ATRNL1: variants seen among roughly 807,000 people sequenced by gnomAD.
ATRNL1 encodes attractin like 1.
A neutral mutation model predicts 182.7 loss-of-function variants in ATRNL1; 95 were observed. That is an observed-to-expected ratio of 0.52 (90% CI 0.44 to 0.62). The LOEUF is 0.62. Ranked by LOEUF, ATRNL1 falls within the 20% of genes least tolerant of loss-of-function variation. The pLI, the probability that ATRNL1 is intolerant of heterozygous loss-of-function variation, is 0.00. For synonymous variants in ATRNL1, 576 were observed against 568.3 expected (o/e 1.01, Z -0.19); for missense variants, 1,471 against 1,679.5 (o/e 0.88, Z 2.17).
At chr10:115,667,188 T>A (rs967277909) in intron 26 of ATRNL1, among the ~76,000 whole-genome samples, 9 of 152,072 alleles carry the variant, frequency 5.9e-5, no homozygotes, top group Admixed American at 5.9e-4. Context: ...TCCAGTAGGT[T>A]TGGTATGGAG....
chr10:115,220,251 A>G (rs1849400270), intron 9 of ATRNL1: 1 of 152,216 alleles, frequency 6.6e-6, no homozygotes, highest in Non-Finnish European at 1.5e-5. Context: ...GCTGTTAGCT[A>G]CTAAGAATGA....
intron 25 of ATRNL1, among the ~76,000 whole-genome samples, chr10:115,540,906 A>G (rs1229314426): frequency 6.6e-6 from 1 of 152,166 alleles, no homozygotes; most frequent in Non-Finnish European, 1.5e-5. Context: ...GCGTATGGGA[A>G]AGGTGACATT....
intron 26 of ATRNL1, among the ~76,000 whole-genome samples, chr10:115,618,187 C>A (rs1857539378): frequency 6.6e-6 from 1 of 152,112 alleles, no homozygotes; most frequent in South Asian, 2.1e-4. Context: ...TCAGGTATTT[C>A]TTTAGAGCGA....
At chr10:115,216,758 T>A (rs2144412175) in intron 9 of ATRNL1, among the ~76,000 whole-genome samples, 1 of 152,116 alleles carries the variant, frequency 6.6e-6, no homozygotes, top group East Asian at 1.9e-4. Context: ...TCAAAGGAAA[T>A]ACACAGGTTT....
At chr10:115,340,244 A>G (rs894850826) in intron 19 of ATRNL1, among the ~76,000 whole-genome samples, 1 of 152,216 alleles carries the variant, frequency 6.6e-6, no homozygotes, top group Admixed American at 6.5e-5. Context: ...CCTGGGTTCA[A>G]GTGATTCTCC....
intron 19 of ATRNL1, among the ~76,000 whole-genome samples, chr10:115,366,596 G>T (rs1857055135): frequency 6.7e-6 from 1 of 149,706 alleles, no homozygotes; most frequent in Admixed American, 6.6e-5. Context: ...GTTAGTTGAT[G>T]CAGTTTCTTC....
At chr10:115,818,170 G>A (rs1950209904) in intron 27 of ATRNL1, among the ~76,000 whole-genome samples, 1 of 139,994 alleles carries the variant, frequency 7.1e-6, no homozygotes, top group South Asian at 2.3e-4. Context: ...TAAAGTCCAG[G>A]GTTTATTTGA....
chr10:115,365,369 C>T (rs1372941217), intron 19 of ATRNL1, among the ~76,000 whole-genome samples: 11 of 149,320 alleles, frequency 7.4e-5, no homozygotes, highest in Non-Finnish European at 1.0e-4. Context: ...TGGTGATATC[C>T]CCTTTATCAT....
chr10:115,882,566 A>G (rs1951850323), intron 28 of ATRNL1, among the ~76,000 whole-genome samples: 1 of 152,146 alleles, frequency 6.6e-6, no homozygotes, highest in African/African-American at 2.4e-5. Context: ...TCCACTCTCC[A>G]GGGTCACACA....
chr10:115,646,816 T>G (rs1343869946), intron 26 of ATRNL1, among the ~76,000 whole-genome samples: 2 of 152,086 alleles, frequency 1.3e-5, no homozygotes, highest in African/African-American at 4.8e-5. Context: ...TATTATACTT[T>G]AAGTTCTAGG....
At chr10:115,710,532 C>T (rs1370457564) in intron 26 of ATRNL1, among the ~76,000 whole-genome samples, 2 of 152,064 alleles carry the variant, frequency 1.3e-5, no homozygotes, top group Non-Finnish European at 2.9e-5. Context: ...CCACTGAAAG[C>T]TGAAGATGTG....
chr10:115,906,009 C>T (rs1284648101), intron 28 of ATRNL1, among the ~76,000 whole-genome samples: 1 of 152,122 alleles, frequency 6.6e-6, no homozygotes. Flanking sequence ...TTTCTTAATA[C>T]TATGTAACAA....
intron 27 of ATRNL1, among the ~76,000 whole-genome samples, chr10:115,760,407 T>G (rs1365300434): frequency 6.6e-6 from 1 of 152,092 alleles, no homozygotes; most frequent in Admixed American, 6.5e-5. Flanking sequence ...GGTACTGAAT[T>G]TTAAATAAAA....
At chr10:115,729,726 A>G (rs1315864214) in intron 27 of ATRNL1, among the ~76,000 whole-genome samples, 1 of 152,018 alleles carries the variant, frequency 6.6e-6, no homozygotes, top group Non-Finnish European at 1.5e-5. Context: ...TCCATTGCCC[A>G]TCTCAAATAA....
intron 24 of ATRNL1, among the ~76,000 whole-genome samples, chr10:115,481,835 A>G (rs1484403520): frequency 6.6e-6 from 1 of 150,946 alleles, no homozygotes; most frequent in Non-Finnish European, 1.5e-5. Context: ...ATTTGAAAAA[A>G]ATATAACTAT....
At chr10:115,586,785 C>T (rs1298204714) in intron 26 of ATRNL1, among the ~76,000 whole-genome samples, 2 of 116,654 alleles carry the variant, frequency 1.7e-5, no homozygotes, top group African/African-American at 5.4e-5. Context: ...AGCTTTGTTC[C>T]ATTGCTGGTG....
At chr10:115,785,137 G>A (rs951648656) in intron 27 of ATRNL1, among the ~76,000 whole-genome samples, 18 of 152,132 alleles carry the variant, frequency 1.2e-4, no homozygotes, top group African/African-American at 3.6e-4. Context: ...CCTCTCCATC[G>A]GTGGATATGT....
At chr10:115,731,824 C>T (rs1200479269) in intron 27 of ATRNL1, among the ~76,000 whole-genome samples, 1 of 148,848 alleles carries the variant, frequency 6.7e-6, no homozygotes, top group East Asian at 2.0e-4. Flanking sequence ...CCCCCCCACC[C>T]CACACCCATC....
chr10:115,119,560 G>T (rs962636934), intron 1 of ATRNL1, among the ~76,000 whole-genome samples: 12 of 152,058 alleles, frequency 7.9e-5, no homozygotes, highest in African/African-American at 2.9e-4. Context: ...TCTGAAAATA[G>T]AGTTTTTCCA....
Sources: allele counts gnomAD v4.1 joint callset (sites outside exome capture counted in the v4.1 genomes callset), GRCh38; gene constraint gnomAD v4.1.1; transcripts MANE v1.5; gene names NCBI Gene and HGNC (gene_info 2026-07-23, HGNC 2026-07-21).